ARHGEF10L: variants seen among roughly 807,000 people sequenced by gnomAD.
The protein encoded by ARHGEF10L is Rho guanine nucleotide exchange factor 10 like, also known as rho guanine nucleotide exchange factor 10-like protein.
Under a neutral mutation model 141.2 loss-of-function variants are expected in ARHGEF10L, and 69 were observed. That is an observed-to-expected ratio of 0.49 (90% CI 0.40 to 0.60). The LOEUF (loss-of-function observed/expected upper bound fraction) is 0.60. Ranked by LOEUF, ARHGEF10L falls within the 20% of genes least tolerant of loss-of-function variation. The pLI, the probability that ARHGEF10L is intolerant of heterozygous loss-of-function variation, is 0.00. For synonymous variants in ARHGEF10L, 711 were observed against 718.5 expected, an observed-to-expected ratio of 0.99 and a Z score of 0.17; for missense variants, 1,482 against 1,734.3, an observed-to-expected ratio of 0.85 and a Z score of 2.58.
At chr1:17,594,989 A>T (rs1216863591) in intron 4 of ARHGEF10L, among the ~76,000 whole-genome samples, 1 of 152,092 alleles carries the variant, frequency 6.6e-6, no homozygotes, top group African/African-American at 2.4e-5. Context: ...GCATTACCTG[A>T]GATGCTCTTC....
chr1:17,615,962 C>T lies in ARHGEF10L; in HGVS notation c.727-132C>T. On this transcript the variant is annotated intron_variant, in intron 8 of 28. Coordinates refer to ENST00000361221, the MANE Select transcript of ARHGEF10L (RefSeq NM_018125.4). The surrounding 1 kb of genome is among the most constrained non-coding windows in gnomAD (Gnocchi z 4.7). ...CCCCCACTGTCGTCCTTGGCCTTTGCTCACGGACCTGGGAGGGAAGGGTCT... is the reference window on the plus strand; with the variant it reads ...CCCCCACTGTCGTCCTTGGCCTTTGTTCACGGACCTGGGAGGGAAGGGTCT... 1.4e-6 allele frequency: 1 copy of T among 724,504 alleles called. No homozygotes were observed. The allele number at this position is 724,504 out of a possible 1,614,324, so 44.9% of individuals were successfully genotyped here. A position where few individuals can be genotyped will look rare whatever the true frequency, so the allele number is the denominator to read the frequency against.
intron 25 of ARHGEF10L, among the ~76,000 whole-genome samples, chr1:17,657,471 C>G (rs1490316700): frequency 6.6e-6 from 1 of 152,178 alleles, no homozygotes; most frequent in Non-Finnish European, 1.5e-5. Flanking sequence ...GTGTAGCCAG[C>G]CCCCAGTCCC....
chr1:17,579,705 A>G (rs1182214973), intron 1 of ARHGEF10L, among the ~76,000 whole-genome samples: 1 of 152,224 alleles, frequency 6.6e-6, no homozygotes, highest in Non-Finnish European at 1.5e-5. Flanking sequence ...GCCTGGGCAG[A>G]TTAGACCAGG....
At chr1:17,604,317 C>T (rs1222917160) in intron 6 of ARHGEF10L, among the ~76,000 whole-genome samples, 21 of 152,056 alleles carry the variant, frequency 1.4e-4, no homozygotes, top group Admixed American at 1.4e-3. Context: ...ACAGATGAGG[C>T]ACATTTGATC....
intron 4 of ARHGEF10L, among the ~76,000 whole-genome samples, chr1:17,597,841 A>G (rs984731984): frequency 6.6e-6 from 1 of 152,180 alleles, no homozygotes; most frequent in African/African-American, 2.4e-5. Flanking sequence ...CCCCCTGCCT[A>G]TGAGTCGGCT....
rs574955037 is a variant in ARHGEF10L at position 17,591,266 on chromosome 1, A to G, written c.257+2787A>G. 2.0e-5 allele frequency among the ~76,000 whole-genome samples: 3 copies of G among 152,320 alleles called. No homozygotes were observed. In the East Asian group the frequency reaches 5.8e-4, roughly 29 times the overall value. On this transcript the variant is annotated intron_variant, in intron 4 of 28. Transcript: ENST00000361221. Reference sequence around the variant, plus strand: ...ATCTCTTTTTGTTGTTGTTTGAAACAGGGTCTCACTCTGTTGCCCAGGCTG... The same window carrying G: ...ATCTCTTTTTGTTGTTGTTTGAAACGGGGTCTCACTCTGTTGCCCAGGCTG...
intron 2 of ARHGEF10L, 82 bp from the exon 3 acceptor site, chr1:17,587,378 C>A: frequency 7.0e-7 from 1 of 1,420,908 alleles, no homozygotes; most frequent in Non-Finnish European, 9.6e-7. Context: ...CCAGTTCCAG[C>A]CATGCCCACC....
the ARHGEF10L span, among the ~76,000 whole-genome samples, chr1:17,519,130 G>A: frequency 6.6e-6 from 1 of 151,390 alleles, no homozygotes; most frequent in East Asian, 2.0e-4. Flanking sequence ...AGCCGAGATC[G>A]AACTATTGCA....
At chr1:17,582,492 A>C (rs2078659037) in intron 2 of ARHGEF10L, among the ~76,000 whole-genome samples, 1 of 152,206 alleles carries the variant, frequency 6.6e-6, no homozygotes, top group Non-Finnish European at 1.5e-5. Context: ...ATTCCTGAGT[A>C]GGGGATTCCC....
intron 25 of ARHGEF10L, among the ~76,000 whole-genome samples, chr1:17,657,205 G>A (rs1235899152): frequency 6.6e-6 from 1 of 152,202 alleles, no homozygotes; most frequent in African/African-American, 2.4e-5. Context: ...GCCATCCCTA[G>A]CACAGGTTAC....
chr1:17,603,508 T>C lies in ARHGEF10L; in HGVS notation c.350T>C (p.Ile117Thr), dbSNP rs2080891196. The C allele has an allele frequency of 6.2e-7, 1 of 1,613,126 alleles. No homozygotes were observed. Among genetic ancestry groups the C allele is most frequent in the Non-Finnish European group, 8.5e-7 (1 of 1,179,600 alleles). ...SSWKRKSSRR[I>T]DRFTFPALEE... is the part of the protein sequence containing the mutation. ...CTCTCTCTCCCCACTTCCCTCCCAG[T>C]TGACCGGTTCACTTTCCCCGCCCTG... The change falls in exon 6 of 29, where the codon ATT (isoleucine) becomes ACT (threonine). Residue 117 changes from isoleucine (I) to threonine (T), a missense_variant and splice_region_variant. Transcript: ENST00000361221. This position sits in a 1 kb window ranked among gnomAD's most constrained non-coding sequence, Gnocchi z 4.8.
chr1:17,605,871 G>T (rs1369947637), intron 6 of ARHGEF10L, among the ~76,000 whole-genome samples: 3 of 152,220 alleles, frequency 2.0e-5, no homozygotes. Context: ...CCTTCTGAAG[G>T]TCGCAGCTGC....
Position 17,613,166 on chromosome 1 carries a change from G to A in ARHGEF10L, c.718G>A (p.Asp240Asn), listed in dbSNP as rs765474947. The change falls in exon 8 of 29, where the codon GAT becomes AAT. Residue 240 changes from aspartate (D) to asparagine (N), a missense_variant. By Grantham distance (23) the Asp-to-Asn change is conservative (BLOSUM62 1). Transcript: ENST00000361221. ...CATGCAGGAGCTGAAGCACAAGTACGATTGTAAGGTATTGTCTGTCTGTCC... is the reference window on the plus strand; with the variant it reads ...CATGCAGGAGCTGAAGCACAAGTACAATTGTAAGGTATTGTCTGTCTGTCC... Reference protein sequence around the residue: ...RDMQELKHKYDCKMTQLMKAA... With the variant: ...RDMQELKHKYNCKMTQLMKAA... The A allele has an allele frequency of 7.4e-6, 12 of 1,612,540 alleles. No individual in the cohort carries two copies. Among genetic ancestry groups the A allele is most frequent in the Middle Eastern group, 1.6e-4 (1 of 6,080 alleles).
chr1:17,580,529 C>A (rs371577717), intron 1 of ARHGEF10L, 24 bp from the exon 2 acceptor site: 2 of 1,603,364 alleles, frequency 1.2e-6, no homozygotes, highest in East Asian at 2.2e-5. Flanking sequence ...CCAGCTAATG[C>A]GATTTCTGGT....
chr1:17,594,632 G>A (rs1220423446), intron 4 of ARHGEF10L, among the ~76,000 whole-genome samples: 10 of 152,202 alleles, frequency 6.6e-5, no homozygotes, highest in East Asian at 3.9e-4. Flanking sequence ...ACAGGCACCC[G>A]CCACCATGCC....
chr1:17,528,069 A>G, the ARHGEF10L span, among the ~76,000 whole-genome samples: 1 of 151,504 alleles, frequency 6.6e-6, no homozygotes, highest in African/African-American at 2.4e-5. Context: ...AGGTTTTGCC[A>G]TGTTGGTCTC....
In ARHGEF10L at chr1:17,664,611, T is replaced by A. The variant is rs753889804; in HGVS notation, c.3009+16T>A. The A allele has an allele frequency of 6.6e-7, 1 of 1,522,186 alleles. No homozygotes were observed. Among genetic ancestry groups the A allele is most frequent in the Non-Finnish European group, 8.8e-7 (1 of 1,137,058 alleles). 94.3% of individuals were successfully genotyped at this position (1,522,186 alleles called of 1,614,324 possible). On this transcript the variant is annotated intron_variant, in intron 26 of 28. Transcript: ENST00000361221. Reference sequence around the variant, plus strand: ...GCAGCCTCAGGTACTGCACTATCCTTTGGCTTGTGGCCCTGGAGGCCTGCC... The same window carrying A: ...GCAGCCTCAGGTACTGCACTATCCTATGGCTTGTGGCCCTGGAGGCCTGCC...
intron 1 of ARHGEF10L, among the ~76,000 whole-genome samples, chr1:17,549,502 G>T (rs1486600847): frequency 6.6e-6 from 1 of 152,134 alleles, no homozygotes; most frequent in East Asian, 1.9e-4. Context: ...AGCTGCAGGT[G>T]GTCAGGGAGG....
chr1:17,694,032 C>G (rs1019189860), intron 27 of ARHGEF10L: 2 of 152,452 alleles, frequency 1.3e-5, no homozygotes, highest in South Asian at 2.1e-4. Flanking sequence ...CAGCCTCTCC[C>G]TTGTGCCCAT....
Sources: gnomAD v4.1 joint callset for allele counts (sites outside exome capture counted in the v4.1 genomes callset) on GRCh38, gnomAD v4.1.1 for gene constraint, Gnocchi (gnomAD v3.1) non-coding constraint, MANE v1.5 for transcripts, NCBI Gene and HGNC (gene_info 2026-07-23, HGNC 2026-07-21) for gene names.